The following DOCK8 variants were observed in gnomAD, a reference collection of about 807,000 sequenced individuals.
DOCK8 encodes dedicator of cytokinesis 8, also known as dedicator of cytokinesis protein 8.
DOCK8 carries 141 observed loss-of-function variants against 245.6 expected under a neutral mutation model. The observed-to-expected ratio is 0.57, with a 90% confidence interval of 0.50 to 0.66. The LOEUF is 0.66. DOCK8 is among the 30% of genes least tolerant of loss of function. DOCK8 has a pLI of 0.00. For missense variants in DOCK8, 2,965 were observed against 2,603.4 expected (o/e 1.14, Z -3.02); for synonymous variants, 1,168 against 970.2 (o/e 1.20, Z -3.79).
At chr9:421,165 C>T in intron 32 of DOCK8, 87 bp downstream of exon 32, 1 of 1,545,550 alleles carries the variant, frequency 6.5e-7, no homozygotes, top group Non-Finnish European at 8.9e-7. Context: ...TGATTAGACA[C>T]CATTACTTTC....
intron 1 of DOCK8, among the ~76,000 whole-genome samples, chr9:223,208 T>A (rs1241705810): frequency 6.6e-6 from 1 of 152,186 alleles, no homozygotes; most frequent in East Asian, 1.9e-4. Flanking sequence ...ATAGCTAAAC[T>A]GGAACTAAAT....
At chr9:363,232 T>C (rs2052817542) in intron 14 of DOCK8, among the ~76,000 whole-genome samples, 1 of 152,216 alleles carries the variant, frequency 6.6e-6, no homozygotes, top group Non-Finnish European at 1.5e-5. Context: ...AAGATTATAC[T>C]AAATGCCTGG....
intron 14 of DOCK8, among the ~76,000 whole-genome samples, chr9:362,849 A>G (rs1410977128): frequency 6.6e-6 from 1 of 152,236 alleles, no homozygotes; most frequent in East Asian, 1.9e-4. Flanking sequence ...GGGAGAAGCC[A>G]AAGTGATGTT....
rs1476796436 is a variant in DOCK8, at chr9:332,380, T to C, written c.1045-18T>C. ...ATGTAATTTATGTGCCTTATTTTAA[T>C]ATTCTTTTTATTGGTAGATTGAAAA... On this transcript the variant is annotated intron_variant, in intron 9 of 47. Transcript: ENST00000432829. 1.3e-6 allele frequency: 2 copies of C among 1,565,430 alleles called. No homozygotes were observed. The highest frequency in any genetic ancestry group is 1.8e-6 in the Non-Finnish European group (2 of 1,135,970).
intron 5 of DOCK8, among the ~76,000 whole-genome samples, chr9:311,036 AGCACTTT>A (rs1369439474): frequency 3.3e-5 from 5 of 152,114 alleles, no homozygotes; most frequent in Non-Finnish European, 7.3e-5. Flanking sequence ...CTGTAATCCT[AGCACTTT>A]GGGAGGTTGA....
intron 15 of DOCK8, chr9:368,386 C>T: frequency 2.9e-6 from 2 of 685,634 alleles, no homozygotes; most frequent in South Asian, 3.2e-5. Context: ...TAAAAAAAGT[C>T]ATAAAGTCTT....
intron 24 of DOCK8, 40 bp downstream of exon 24, chr9:390,606 A>C: frequency 6.3e-7 from 1 of 1,574,900 alleles, no homozygotes; most frequent in South Asian, 1.1e-5. Context: ...TCAATAGGCC[A>C]AGAGAAGCAC....
Position 441,986 on chromosome 9 carries a change from C to A in DOCK8, c.5467C>A (p.Pro1823Thr). 3 of 1,613,990 alleles carry A rather than the reference C, an allele frequency of 1.9e-6. No homozygotes were observed. The highest frequency in any genetic ancestry group is 2.5e-6 in the Non-Finnish European group (3 of 1,179,994). Residue 1823 changes from proline to threonine, a missense_variant, in exon 42 of 48, where the codon CCT becomes ACT. Physicochemically the swap from Pro to Thr is conservative, Grantham distance 38. Around this residue, in one of 3 missense-constraint regions of DOCK8, gnomAD observed 2,825 missense variants for 2,453.5 expected, o/e 1.15. Transcript: ENST00000432829. ...CAAAGAGCCTGCAATTACCAAGCTT[C>A]CTGAGATCTCACATAGACTAGAGGT... ...VYKEPAITKL[P>T]EISHRLEAFY...
intron 14 of DOCK8, among the ~76,000 whole-genome samples, chr9:344,834 G>A (rs2051794030): frequency 1.3e-5 from 2 of 152,068 alleles, no homozygotes; most frequent in Non-Finnish European, 2.9e-5. Flanking sequence ...AATCACCTGA[G>A]TGAGGTCAAG....
chr9:446,633 ACT>A (rs1442203929), intron 44 of DOCK8, 27 bp downstream of exon 44: 6 of 1,607,124 alleles, frequency 3.7e-6, no homozygotes, highest in Non-Finnish European at 5.1e-6. Flanking sequence ...ATTGGCCACC[ACT>A]GGATGAGTGG....
chr9:270,006 C>T (rs2129914401), intron 1 of DOCK8, among the ~76,000 whole-genome samples: 1 of 152,294 alleles, frequency 6.6e-6, no homozygotes, highest in Non-Finnish European at 1.5e-5. Flanking sequence ...CATATGCGTG[C>T]TCCAGTTTCT....
At chr9:399,017 C>T (rs2054602262) in intron 25 of DOCK8, 129 bp from the exon 26 acceptor site, 3 of 802,364 alleles carry the variant, frequency 3.7e-6, no homozygotes, top group African/African-American at 1.7e-5. Flanking sequence ...AACTACTTCG[C>T]CCAGTGCCAC....
At chr9:426,049 C>G (rs2056487794) in intron 33 of DOCK8, among the ~76,000 whole-genome samples, 1 of 152,146 alleles carries the variant, frequency 6.6e-6, no homozygotes, top group African/African-American at 2.4e-5. Context: ...ATCTTGGCTA[C>G]TGAGGCATCT....
At chr9:222,745 C>T (rs1302404894) in intron 1 of DOCK8, among the ~76,000 whole-genome samples, 1 of 152,134 alleles carries the variant, frequency 6.6e-6, no homozygotes, top group African/African-American at 2.4e-5. Flanking sequence ...TGCTTCTGTT[C>T]CTTTAATAGG....
rs1475055676 is a variant in DOCK8 at position 339,119 on chromosome 9, A to G, written c.1516+20A>G. On this transcript the variant is annotated intron_variant, in intron 13 of 47. Transcript: ENST00000432829. Reference sequence around the variant, plus strand: ...TTCCAGGTGTGAATGACTTATCTTTATCCTCTTTAGCTGTGCCAAAACTGC... The same window carrying G: ...TTCCAGGTGTGAATGACTTATCTTTGTCCTCTTTAGCTGTGCCAAAACTGC... 6.2e-7 allele frequency: 1 copy of G among 1,607,306 alleles called. No homozygotes were observed.
chr9:221,511 G>C (rs2046881436), intron 1 of DOCK8, among the ~76,000 whole-genome samples: 1 of 152,078 alleles, frequency 6.6e-6, no homozygotes, highest in Non-Finnish European at 1.5e-5. Context: ...ATCTAGAGAT[G>C]ATTTAAAGTA....
At chr9:269,008 T>G (rs73374517) in intron 1 of DOCK8, among the ~76,000 whole-genome samples, 9,441 of 152,290 alleles carry the variant, frequency 0.062, 315 homozygotes, top group South Asian at 0.071. Flanking sequence ...CACACTAATT[T>G]TTTGCCTTCA....
At chr9:424,143 TAATG>T (rs1484040470) in intron 33 of DOCK8, among the ~76,000 whole-genome samples, 3 of 151,886 alleles carry the variant, frequency 2.0e-5, no homozygotes, top group African/African-American at 4.8e-5. Flanking sequence ...ATAATTATAA[TAATG>T]GTGTCTTTCA....
chr9:227,531 T>G (rs180785450), intron 1 of DOCK8, among the ~76,000 whole-genome samples: 1 of 152,316 alleles, frequency 6.6e-6, no homozygotes, highest in African/African-American at 2.4e-5. Flanking sequence ...TAAAGATGAT[T>G]AAAGCAGAGC....
Sources: gnomAD v4.1 joint callset for allele counts (sites outside exome capture counted in the v4.1 genomes callset) on GRCh38, gnomAD v4.1.1 for gene constraint, gnomAD v4.1.1 regional missense constraint, MANE v1.5 for transcripts, NCBI Gene and HGNC (gene_info 2026-07-23, HGNC 2026-07-21) for gene names.